The following GAB2 variants were observed in gnomAD, a reference collection of about 807,000 sequenced individuals.
GAB2 encodes the protein GRB2-associated-binding protein 2.
GAB2 carries 26 observed loss-of-function variants against 65.5 expected under a neutral mutation model. The ratio of observed to expected loss-of-function variants is 0.40; its 90% CI spans 0.29 to 0.55. GAB2 has a LOEUF of 0.55. Ranked by LOEUF, GAB2 falls within the 20% of genes least tolerant of loss-of-function variation. The pLI, the probability that GAB2 is intolerant of heterozygous loss-of-function variation, is 0.53. For synonymous variants in GAB2, 321 were observed against 329.6 expected (o/e 0.97, Z 0.28); for missense variants, 884 against 875.8 (o/e 1.01, Z -0.12).
intron 2 of GAB2, among the ~76,000 whole-genome samples, chr11:78,270,756 C>T (rs1472372801): frequency 5.3e-5 from 8 of 152,196 alleles, no homozygotes; most frequent in Non-Finnish European, 8.8e-5. Context: ...ACTATTGCTA[C>T]GACCACTACA....
chr11:78,315,195 GCTGT>G (rs1192807297), intron 1 of GAB2, among the ~76,000 whole-genome samples: 2 of 152,138 alleles, frequency 1.3e-5, no homozygotes, highest in African/African-American at 4.8e-5. Flanking sequence ...CTCACGGCTG[GCTGT>G]CTATCCCAAT....
At chr11:78,411,331 CT>C (rs1432051684) in intron 1 of GAB2, among the ~76,000 whole-genome samples, 1 of 151,914 alleles carries the variant, frequency 6.6e-6, no homozygotes, top group Non-Finnish European at 1.5e-5. Flanking sequence ...GCAAGACTTT[CT>C]TTTTTTTGCA....
In GAB2 at chr11:78,360,138, CA is replaced by C. The variant is rs145763637; in HGVS notation, c.75+57507del. Among the ~76,000 whole-genome samples the C allele has an allele frequency of 8.7e-3, 1,322 of 152,190 alleles. 19 individuals are homozygous for C. The highest frequency in any genetic ancestry group is 0.03 in the African/African-American group (1,256 of 41,506). ...TGGAGCCACCGGAAGCCAAAAGAGG[CA>C]AAAGATTTTCCCCAGTGCTTTCAGA... On this transcript the variant is annotated intron_variant, in intron 1 of 9. Transcript: ENST00000361507.
chr11:78,317,641 AATTT>A (rs1855637528), intron 1 of GAB2, among the ~76,000 whole-genome samples: 2 of 152,074 alleles, frequency 1.3e-5, no homozygotes, highest in African/African-American at 4.8e-5. Context: ...AAGAAGAAAT[AATTT>A]TTTTAAAAAG....
At chr11:78,241,250 G>A (rs919416212) in intron 3 of GAB2, among the ~76,000 whole-genome samples, 20 of 152,180 alleles carry the variant, frequency 1.3e-4, no homozygotes, top group African/African-American at 3.4e-4. Flanking sequence ...CACCTAAGTG[G>A]AAACACAGTC....
chr11:78,227,162 G>T (rs1590945943), intron 3 of GAB2, 111 bp from the exon 4 acceptor site: 4 of 689,178 alleles, frequency 5.8e-6, no homozygotes, highest in African/African-American at 3.6e-5. Flanking sequence ...CTGTAAAATG[G>T]TGACTAAAAG....
intron 1 of GAB2, among the ~76,000 whole-genome samples, chr11:78,358,709 C>T (rs180937843): frequency 6.6e-6 from 1 of 151,846 alleles, no homozygotes; most frequent in South Asian, 2.1e-4. Flanking sequence ...TCCTAAGGAA[C>T]ACTTGCTGTT....
intron 1 of GAB2, among the ~76,000 whole-genome samples, chr11:78,293,223 G>A (rs545181523): frequency 1.1e-3 from 175 of 152,268 alleles, no homozygotes; most frequent in African/African-American, 4.0e-3. Context: ...CTGAGAAAGG[G>A]CAGATAAGTA....
intron 1 of GAB2, among the ~76,000 whole-genome samples, chr11:78,302,634 C>T (rs1591017893): frequency 6.6e-6 from 1 of 152,146 alleles, no homozygotes; most frequent in African/African-American, 2.4e-5. Context: ...CCTTGAAGAA[C>T]TAAAAGTAGA....
rs1159054700 is a variant in GAB2 at position 78,226,471 on chromosome 11, G to A, written c.1201C>T (p.His401Tyr). The change falls in exon 4 of 10, where the codon CAC becomes TAC. Residue 401 changes from histidine (H) to tyrosine (Y), a missense_variant. Physicochemically the swap from His to Tyr is moderately conservative, Grantham distance 83. Transcript: ENST00000361507. Reference protein sequence around the residue: ...TLPAMDNSRLHRASSCETYEY... With the variant: ...TLPAMDNSRLYRASSCETYEY... ...AGCTAGGACTTATACTGACCTCGGT[G>A]AAGTCGGCTGTTGTCCATTGCAGGG... The A allele has an allele frequency of 1.9e-6, 3 of 1,612,490 alleles. No homozygotes were observed. Among genetic ancestry groups the A allele is most frequent in the Non-Finnish European group, 2.5e-6 (3 of 1,178,458 alleles).
intron 2 of GAB2, among the ~76,000 whole-genome samples, chr11:78,263,139 A>C (rs1865778147): frequency 6.6e-6 from 1 of 152,204 alleles, no homozygotes; most frequent in South Asian, 2.1e-4. Context: ...TAAGTTCATC[A>C]CCAAGGATAC....
At chr11:78,278,694 T>G (rs1179827018) in intron 2 of GAB2, among the ~76,000 whole-genome samples, 1 of 150,540 alleles carries the variant, frequency 6.6e-6, no homozygotes, top group Non-Finnish European at 1.5e-5. Context: ...GCCTTTTAAT[T>G]CGTTTCTTAT....
intron 1 of GAB2, among the ~76,000 whole-genome samples, chr11:78,413,799 T>C: frequency 6.6e-6 from 1 of 152,082 alleles, no homozygotes; most frequent in Non-Finnish European, 1.5e-5. Context: ...AAAGGAACCA[T>C]GCAGGCTGGG....
At chr11:78,266,214 C>CAAAAAAAAAAAA in intron 2 of GAB2, among the ~76,000 whole-genome samples, 1 of 65,050 alleles carries the variant, frequency 1.5e-5, no homozygotes, top group Non-Finnish European at 2.6e-5. Flanking sequence ...GACTCCATCT[C>CAAAAAAAAAAAA]AAAAAAAAAA....
intron 1 of GAB2, among the ~76,000 whole-genome samples, chr11:78,285,536 G>A (rs1479608512): frequency 6.6e-6 from 1 of 152,094 alleles, no homozygotes; most frequent in Non-Finnish European, 1.5e-5. Flanking sequence ...GCATCATCTC[G>A]TTCACTGCAA....
chr11:78,280,987 C>T (rs1298552885), intron 1 of GAB2, 86 bp from the exon 2 acceptor site: 2 of 1,157,718 alleles, frequency 1.7e-6, no homozygotes, highest in Non-Finnish European at 2.5e-6. Flanking sequence ...CAGGTCTTGC[C>T]CTGTTGCCCA....
At chr11:78,336,530 A>G (rs1856006864) in intron 1 of GAB2, among the ~76,000 whole-genome samples, 1 of 147,640 alleles carries the variant, frequency 6.8e-6, no homozygotes, top group Admixed American at 6.8e-5. Flanking sequence ...ATATGAGATC[A>G]TATCATGAGC....
At chr11:78,340,637 T>C (rs1451270917) in intron 1 of GAB2, among the ~76,000 whole-genome samples, 1 of 146,168 alleles carries the variant, frequency 6.8e-6, no homozygotes, top group African/African-American at 2.5e-5. Context: ...AAAAAAAAGA[T>C]GGGCAGGAGT....
At chr11:78,300,526 A>AAAAAAAAAAAAAAAAC (rs768693943) in intron 1 of GAB2, among the ~76,000 whole-genome samples, 18 of 145,500 alleles carry the variant, frequency 1.2e-4, no homozygotes, top group South Asian at 2.1e-4. Flanking sequence ...TAAAAAAACA[A>AAAAAAAAAAAAAAAAC]AAAAACAAAA....
Sources: gnomAD v4.1 joint callset for allele counts (sites outside exome capture counted in the v4.1 genomes callset) on GRCh38, gnomAD v4.1.1 for gene constraint, MANE v1.5 for transcripts, NCBI Gene and HGNC (gene_info 2026-07-23, HGNC 2026-07-21) for gene names.